The following PAK1 variants were observed in gnomAD, a reference collection of about 807,000 sequenced individuals.
The protein encoded by PAK1 is p21 (RAC1) activated kinase 1.
A neutral mutation model predicts 67.4 loss-of-function variants in PAK1; 29 were observed. The observed-to-expected ratio is 0.43, with a 90% confidence interval of 0.32 to 0.59. The LOEUF (loss-of-function observed/expected upper bound fraction) is 0.59. Among genes scored for constraint, PAK1 ranks in the 20% least tolerant of loss-of-function variants. The pLI, the probability that PAK1 is intolerant of heterozygous loss-of-function variation, is 0.07. For synonymous variants in PAK1, 223 were observed against 237.4 expected, an observed-to-expected ratio of 0.94 and a Z score of 0.56; for missense variants, 337 against 670.7, an observed-to-expected ratio of 0.50 and a Z score of 5.50.
At chr11:77,358,681 T>C (rs2136579671) in intron 6 of PAK1, among the ~76,000 whole-genome samples, 2 of 152,266 alleles carry the variant, frequency 1.3e-5, no homozygotes, top group East Asian at 3.9e-4. Context: ...CTAGGACACT[T>C]TGGGACTATC....
chr11:77,428,834 C>T (rs1036606493), intron 1 of PAK1, among the ~76,000 whole-genome samples: 1 of 151,272 alleles, frequency 6.6e-6, no homozygotes, highest in African/African-American at 2.4e-5. Flanking sequence ...CAGAAGCCAA[C>T]CACAGTTAAG....
chr11:77,453,532 A>G lies in PAK1; in HGVS notation c.-22+20020T>C, dbSNP rs192205966. The stretch of plus-strand genomic sequence containing the variant: ...GAGATATATTAAAAAAAAAAAAAAC[A>G]AGGGGGAAAAGGGCATGGTATTACA... On this transcript the variant is annotated intron_variant, in intron 1 of 14. Transcript: ENST00000356341. 2.7e-5 allele frequency among the ~76,000 whole-genome samples: 4 copies of G among 148,990 alleles called. No individual in the cohort carries two copies. In the East Asian group the frequency reaches 7.8e-4, roughly 29 times the overall value.
At chr11:77,468,853 C>A (rs116358738) in intron 1 of PAK1, among the ~76,000 whole-genome samples, 5,009 of 152,262 alleles carry the variant, frequency 0.033, 145 homozygotes, top group African/African-American at 0.077. Flanking sequence ...TTCAGGCATT[C>A]ATTAATGATG....
intron 3 of PAK1, 103 bp from the exon 4 acceptor site, chr11:77,379,491 T>G (rs1949536688): frequency 3.0e-6 from 3 of 999,370 alleles, no homozygotes; most frequent in Non-Finnish European, 4.5e-6. Context: ...AAAGATGCAT[T>G]TATTAGTCAT....
intron 13 of PAK1, among the ~76,000 whole-genome samples, chr11:77,333,110 AAAAAT>A (rs1171565299): frequency 2.0e-5 from 3 of 152,194 alleles, no homozygotes; most frequent in African/African-American, 7.2e-5. Flanking sequence ...ACATGTCTGT[AAAAAT>A]AAAATAAGAT....
In PAK1 at chr11:77,473,747, G is replaced by C. The variant is rs957178049; in HGVS notation, c.-217C>G. Reference sequence around the variant, plus strand: ...GAGGGAAGGGATGATGGGGGGGCGGGAGGGAGCGAGGCGACGCGGGCGGGG... The same window carrying C: ...GAGGGAAGGGATGATGGGGGGGCGGCAGGGAGCGAGGCGACGCGGGCGGGG... On this transcript the variant is annotated 5_prime_UTR_variant, in exon 1 of 15. Transcript: ENST00000356341. 6.8e-6 allele frequency: 1 copy of C among 147,624 alleles called. No homozygotes were observed. Among genetic ancestry groups the C allele is most frequent in the Non-Finnish European group, 1.5e-5 (1 of 66,538 alleles). The allele number at this position is 147,624 out of a possible 1,614,324, so 9.1% of individuals were successfully genotyped here.
At chr11:77,523,285 A>G in the PAK1 span, among the ~76,000 whole-genome samples, 1 of 152,222 alleles carries the variant, frequency 6.6e-6, no homozygotes, top group Non-Finnish European at 1.5e-5. Flanking sequence ...AATATATAAT[A>G]TCTCAGATTT....
At chr11:77,348,503 G>A (rs1025152955) in intron 9 of PAK1, among the ~76,000 whole-genome samples, 8 of 152,218 alleles carry the variant, frequency 5.3e-5, no homozygotes, top group Non-Finnish European at 1.2e-4. Context: ...TCAGTGGAAA[G>A]TAAAGGTAGC....
intron 5 of PAK1, among the ~76,000 whole-genome samples, chr11:77,371,972 A>T (rs1455118925): frequency 6.6e-6 from 1 of 152,226 alleles, no homozygotes; most frequent in Non-Finnish European, 1.5e-5. Flanking sequence ...AGTGAAAAGA[A>T]CCCTAAACTG....
chr11:77,517,859 C>A, the PAK1 span, among the ~76,000 whole-genome samples: 1 of 152,084 alleles, frequency 6.6e-6, no homozygotes, highest in African/African-American at 2.4e-5. Context: ...AACCTAGATC[C>A]CTTCCTTGCC....
At chr11:77,466,106 A>T (rs1163544222) in intron 1 of PAK1, among the ~76,000 whole-genome samples, 2 of 152,200 alleles carry the variant, frequency 1.3e-5, no homozygotes, top group East Asian at 3.8e-4. Context: ...TCCATAGTGA[A>T]ATACTGTTAC....
chr11:77,360,492 C>G lies in PAK1; in HGVS notation c.478-1475G>C, dbSNP rs116785289. Among the ~76,000 whole-genome samples, 428 of 152,288 alleles carry G rather than the reference C, an allele frequency of 2.8e-3. 3 individuals are homozygous for G. The highest frequency in any genetic ancestry group is 9.8e-3 in the African/African-American group (408 of 41,562). Reference sequence around the variant, plus strand: ...TCTAATTTATTTTCTCCCCACTATTCCACTCAACAAAATTTAACTAAAAAC... The same window carrying G: ...TCTAATTTATTTTCTCCCCACTATTGCACTCAACAAAATTTAACTAAAAAC... On this transcript the variant is annotated intron_variant, in intron 5 of 14. Transcript: ENST00000356341.
At chr11:77,528,016 A>C in the PAK1 span, among the ~76,000 whole-genome samples, 1 of 151,674 alleles carries the variant, frequency 6.6e-6, no homozygotes, top group Non-Finnish European at 1.5e-5. Context: ...TGCCCAGCTA[A>C]TTTTTTCTAT....
intron 14 of PAK1, among the ~76,000 whole-genome samples, chr11:77,330,872 T>G (rs1462434229): frequency 6.6e-6 from 1 of 152,156 alleles, no homozygotes; most frequent in East Asian, 1.9e-4. Flanking sequence ...GAGAAAATTT[T>G]TGCAACCTAC....
intron 5 of PAK1, among the ~76,000 whole-genome samples, chr11:77,371,788 G>A (rs1414051748): frequency 6.6e-6 from 1 of 152,170 alleles, no homozygotes; most frequent in Non-Finnish European, 1.5e-5. Context: ...AGCCTTAGTG[G>A]TTTTAATTGT....
Position 77,323,237 on chromosome 11 carries a change from G to T in PAK1, c.*37C>A. ...TTCTGAAATGTGCATTTATCTCACA[G>T]AAGGCTTGGCACAATGAGGCTGGGG... On this transcript the variant is annotated 3_prime_UTR_variant, in exon 15 of 15. Coordinates refer to ENST00000356341, the MANE Select transcript of PAK1 (RefSeq NM_002576.5). The T allele has an allele frequency of 6.2e-7, 1 of 1,613,492 alleles. No homozygotes were observed.
rs190534521 is a variant in PAK1 at position 77,437,050 on chromosome 11, G to A, written c.-22+36502C>T. ...TCTGAGGATAAAATAGGAAAAAGTC[G>A]TCTGGAAACTAAAACAATGAATTGG... On this transcript the variant is annotated intron_variant, in intron 1 of 14. Coordinates refer to ENST00000356341, the MANE Select transcript of PAK1 (RefSeq NM_002576.5). 4.8e-3 allele frequency among the ~76,000 whole-genome samples: 731 copies of A among 152,216 alleles called. 8 individuals carry two copies. Among genetic ancestry groups the A allele is most frequent in the African/African-American group, 0.016 (677 of 41,538 alleles).
chr11:77,338,030 G>A (rs191151631), intron 11 of PAK1, among the ~76,000 whole-genome samples: 2 of 152,280 alleles, frequency 1.3e-5, no homozygotes, highest in Admixed American at 1.3e-4. Context: ...ACCCGGCAAA[G>A]GGTAAAGGAG....
At chr11:77,346,500 T>A (rs1158002358) in intron 9 of PAK1, among the ~76,000 whole-genome samples, 2 of 152,172 alleles carry the variant, frequency 1.3e-5, no homozygotes, top group African/African-American at 4.8e-5. Flanking sequence ...CAACCTTGAT[T>A]CCCCTCTTTT....
Sources: gnomAD v4.1 joint callset for allele counts (sites outside exome capture counted in the v4.1 genomes callset) on GRCh38, gnomAD v4.1.1 for gene constraint, MANE v1.5 for transcripts, NCBI Gene and HGNC (gene_info 2026-07-23, HGNC 2026-07-21) for gene names.